The following MIOX variants were observed in gnomAD, a reference collection of about 807,000 sequenced individuals.
The protein encoded by MIOX is myo-inositol oxygenase.
In MIOX, 51 loss-of-function variants were observed where a neutral mutation model predicts 42.7. That is an observed-to-expected ratio of 1.19 (90% confidence interval 0.95 to 1.51). The LOEUF (loss-of-function observed/expected upper bound fraction) is 1.51. Among genes scored for constraint, MIOX ranks in the 40% most tolerant of loss-of-function variants. The pLI, the probability that MIOX is intolerant of heterozygous loss-of-function variation, is 0.00. For missense variants in MIOX, 395 were observed against 381.3 expected (o/e 1.04, Z -0.30); for synonymous variants, 168 against 154.4 (o/e 1.09, Z -0.65).
At position 50,487,724 on chromosome 22, in the gene MIOX, G is replaced by A. The variant is rs1275463619; in HGVS notation, c.159G>A (p.Val53=). 27 of 1,613,942 alleles carry A rather than the reference G, an allele frequency of 1.7e-5. No homozygotes were observed. Among genetic ancestry groups the A allele is most frequent in the Non-Finnish European group, 2.3e-5 (27 of 1,179,988 alleles). The change falls in exon 3 of 10, where the codon GTG becomes GTA. Residue 53 remains valine, a synonymous_variant. Transcript: ENST00000216075. ...TYKLMHTHQT[V]DFVRSKHAQF... is the part of the protein sequence containing the mutation. The stretch of plus-strand genomic sequence containing the variant: ...AGCTCATGCACACGCACCAGACAGT[G>A]GACTTCGTCAGGAGCAAGGTAGGCG...
At chr22:50,488,974 G>A in intron 5 of MIOX, 66 bp from the exon 6 acceptor site, 4 of 1,081,628 alleles carry the variant, frequency 3.7e-6, no homozygotes, top group South Asian at 1.4e-5. Context: ...TTCTGCAGTG[G>A]GTGGTCATCG....
intron 3 of MIOX, 70 bp from the exon 4 acceptor site, chr22:50,487,816 G>A (rs1433881703): frequency 2.7e-5 from 44 of 1,610,594 alleles, no homozygotes; most frequent in Middle Eastern, 3.3e-4. Flanking sequence ...ACCAGGCGCC[G>A]AGGGGATGGA....
At chr22:50,488,752 GTCCCTCCTGTCCCTCCTGTCCCTCCCA>G (rs1249036452) in intron 5 of MIOX, among the ~76,000 whole-genome samples, 6 of 67,602 alleles carry the variant, frequency 8.9e-5, no homozygotes, top group Non-Finnish European at 1.2e-4. Flanking sequence ...ATGGCTGCCT[GTCCCTCCTGTCCCTCCTGTCCCTCCCA>G]TCCCTCCCGT....
chr22:50,488,342 G>T lies in MIOX; in HGVS notation c.408G>T (p.Gln136His). Residue 136 changes from glutamine (Q) to histidine (H), a missense_variant and splice_region_variant, in exon 5 of 10, where the codon CAG (glutamine) becomes CAT (histidine). Transcript: ENST00000216075. The part of the protein sequence containing the change: ...GKVLALFGEP[Q>H]WAVVGDTFPV... The stretch of plus-strand genomic sequence containing the variant: ...TCCTGGCCCTGTTCGGGGAGCCCCA[G>T]GTAAGAGTTGGAAGTGGAGGGTGAG... 3 of 1,596,680 alleles carry T rather than the reference G, an allele frequency of 1.9e-6. No individual in the cohort carries two copies. The highest frequency in any genetic ancestry group is 2.6e-6 in the Non-Finnish European group (3 of 1,170,758).
rs766225977 is a variant in MIOX, at chr22:50,487,369, T to C, written c.16-16T>C. On this transcript the variant is annotated splice_polypyrimidine_tract_variant and intron_variant, in intron 1 of 9. Transcript: ENST00000216075. ...TGACATGATGGTGAAATAGGTTCAA[T>C]CCTCCACCTACCCAGGGCCCAGACC... 6.2e-7 allele frequency: 1 copy of C among 1,602,838 alleles called. No homozygotes were observed. The highest frequency in any genetic ancestry group is 8.5e-7 in the Non-Finnish European group (1 of 1,172,868).
Position 50,487,747 on chromosome 22 carries a change from G to T in MIOX, c.177+5G>T. 1 of 1,613,786 alleles carries T rather than the reference G, an allele frequency of 6.2e-7. No homozygotes were observed. The highest frequency in any genetic ancestry group is 8.5e-7 in the Non-Finnish European group (1 of 1,179,926). ...GTGGACTTCGTCAGGAGCAAGGTAG[G>T]CGTTTCCTGCCGCCCCGTGCAAACG... On this transcript the variant is annotated splice_donor_5th_base_variant and intron_variant, in intron 3 of 9. Coordinates refer to ENST00000216075, the MANE Select transcript of MIOX (RefSeq NM_017584.6).
In MIOX at chr22:50,489,745, C is replaced by T. The variant is rs1249434129; in HGVS notation, c.750-3C>T. ...CGGGGCTCACCGCCCCTCCCTGCTGCAGCAAGTTCGACCTCTACACCAAGT... is the reference window on the plus strand; with the variant it reads ...CGGGGCTCACCGCCCCTCCCTGCTGTAGCAAGTTCGACCTCTACACCAAGT... On this transcript the variant is annotated splice_polypyrimidine_tract_variant and splice_region_variant and intron_variant, in intron 9 of 9. Coordinates refer to ENST00000216075, the MANE Select transcript of MIOX (RefSeq NM_017584.6). 1.9e-6 allele frequency: 3 copies of T among 1,611,662 alleles called. No individual in the cohort carries two copies. The highest frequency in any genetic ancestry group is 2.5e-6 in the Non-Finnish European group (3 of 1,179,858).
intron 8 of MIOX, 32 bp downstream of exon 8, chr22:50,489,478 C>T (rs1458056586): frequency 1.2e-6 from 2 of 1,609,736 alleles, no homozygotes; most frequent in East Asian, 2.2e-5. Context: ...GCAGCCCGTC[C>T]ACCAGGCCCG....
chr22:50,487,153 C>T (rs531960987), intron 1 of MIOX, among the ~76,000 whole-genome samples: 18 of 152,334 alleles, frequency 1.2e-4, no homozygotes, highest in African/African-American at 3.8e-4. Flanking sequence ...CGGAAGCAGA[C>T]GTCTGCTGAC....
chr22:50,487,958 G>T lies in MIOX; in HGVS notation c.250G>T (p.Val84Leu). ...GGCCGTGGACCTGCTGGATGGGCTGGTGGATGAGTCGGACCCGGACGTAGA... is the reference window on the plus strand; with the variant it reads ...GGCCGTGGACCTGCTGGATGGGCTGTTGGATGAGTCGGACCCGGACGTAGA... ...MEAVDLLDGL[V>L]DESDPDVDFP... The change falls in exon 4 of 10, where the codon GTG (valine) becomes TTG (leucine). Residue 84 changes from valine (V) to leucine (L), a missense_variant. Physicochemically the swap from Val to Leu is conservative, Grantham distance 32 (BLOSUM62 1). Transcript: ENST00000216075. 2 of 1,614,042 alleles carry T rather than the reference G, an allele frequency of 1.2e-6. No homozygotes were observed. Among genetic ancestry groups the T allele is most frequent in the Non-Finnish European group, 1.7e-6 (2 of 1,179,942 alleles).
chr22:50,488,152 A>C (rs2068297969), intron 4 of MIOX, 104 bp downstream of exon 4: 11 of 1,583,638 alleles, frequency 6.9e-6, no homozygotes, highest in Non-Finnish European at 9.5e-6. Flanking sequence ...GGCCTCCTCC[A>C]GCAGCCCTGC....
chr22:50,488,093 G>A, intron 4 of MIOX, 45 bp downstream of exon 4: 3 of 1,610,716 alleles, frequency 1.9e-6, no homozygotes, highest in Non-Finnish European at 2.5e-6. Flanking sequence ...TGCCTCCAAG[G>A]GGCAGAATGC....
In MIOX at chr22:50,489,986, C is replaced by A; in HGVS notation, c.*130C>A. On this transcript the variant is annotated 3_prime_UTR_variant, in exon 10 of 10. Transcript: ENST00000216075. ...GGGACCCCACTCACCCCCTTAGGGT[C>A]GCCACCCCTCACGGCAACTTGTGCC... 1 of 763,962 alleles carries A rather than the reference C, an allele frequency of 1.3e-6. No individual in the cohort carries two copies. The highest frequency in any genetic ancestry group is 2.1e-6 in the Non-Finnish European group (1 of 466,030). 47.3% of individuals were successfully genotyped at this position (763,962 alleles called of 1,614,324 possible).
At chr22:50,489,019 G>A (rs768669782) in intron 5 of MIOX, 21 bp from the exon 6 acceptor site, 10 of 1,472,536 alleles carry the variant, frequency 6.8e-6, no homozygotes, top group Admixed American at 2.1e-5. Context: ...ATGGCCTCCC[G>A]TCCCTCCTGT....
rs745820038 is a variant in MIOX, at chr22:50,489,142, C to T, written c.511C>T (p.Arg171Ter). The T allele has an allele frequency of 2.0e-5, 32 of 1,613,224 alleles. No homozygotes were observed. Among genetic ancestry groups the T allele is most frequent in the African/African-American group, 6.7e-5 (5 of 74,954 alleles). The change falls in exon 6 of 10, where the codon CGA becomes TGA. Residue 171 changes from arginine (R) to a stop codon, truncating the protein, a stop_gained. Coordinates refer to ENST00000216075, the MANE Select transcript of MIOX (RefSeq NM_017584.6). LOFTEE classifies it high-confidence loss of function. Reference sequence around the variant, plus strand: ...GGACAACCCTGACCTCCAGGATCCTCGATACAGGTGCTCCCTGCTGCTGAG... The same window carrying T: ...GGACAACCCTGACCTCCAGGATCCTTGATACAGGTGCTCCCTGCTGCTGAG... ...FQDNPDLQDP[R>*]YSTELGMYQP... is the part of the protein sequence containing the mutation.
Position 50,487,913 on chromosome 22 carries a change from A to G in MIOX, c.205A>G (p.Lys69Glu), listed in dbSNP as rs754165114. 1.9e-6 allele frequency: 3 copies of G among 1,613,776 alleles called. No homozygotes were observed. The highest frequency in any genetic ancestry group is 1.7e-6 in the Non-Finnish European group (2 of 1,179,898). ...KHAQFGGFSY[K>E]KMTVMEAVDL... ...TGCCCAGTTTGGGGGCTTCTCCTAC[A>G]AGAAAATGACAGTCATGGAGGCCGT... Residue 69 changes from lysine (K) to glutamate (E), a missense_variant, in exon 4 of 10, where the codon AAG becomes GAG. Transcript: ENST00000216075.
intron 5 of MIOX, 65 bp downstream of exon 5, chr22:50,488,407 T>C (rs12484911): frequency 4.7e-5 from 64 of 1,361,366 alleles, no homozygotes; most frequent in Non-Finnish European, 5.7e-5. Context: ...GGAGTGGCCT[T>C]GGTGCTTGGC....
At chr22:50,489,373 G>A (rs770524376) in intron 7 of MIOX, 24 bp from the exon 8 acceptor site, 34 of 1,551,258 alleles carry the variant, frequency 2.2e-5, no homozygotes, top group Non-Finnish European at 2.9e-5. Context: ...GGCAGTGCCT[G>A]CTGGTGACAC....
In MIOX at chr22:50,488,350, T is replaced by C. The variant is rs1381735287; in HGVS notation, c.408+8T>C. 2 of 1,591,392 alleles carry C rather than the reference T, an allele frequency of 1.3e-6. No homozygotes were observed. The highest frequency in any genetic ancestry group is 1.7e-6 in the Non-Finnish European group (2 of 1,167,564). ...CTGTTCGGGGAGCCCCAGGTAAGAG[T>C]TGGAAGTGGAGGGTGAGGAGGCTGC... On this transcript the variant is annotated splice_region_variant and intron_variant, in intron 5 of 9. Transcript: ENST00000216075.
Sources: gnomAD v4.1 joint callset for allele counts (sites outside exome capture counted in the v4.1 genomes callset) on GRCh38, gnomAD v4.1.1 for gene constraint, MANE v1.5 for transcripts, NCBI Gene and HGNC (gene_info 2026-07-23, HGNC 2026-07-21) for gene names.